The following KNTC1 variants were observed in gnomAD, a reference collection of about 807,000 sequenced individuals.
KNTC1 encodes kinetochore associated 1, also known as kinetochore-associated protein 1.
In KNTC1, 253 loss-of-function variants were observed where a neutral mutation model predicts 314.4. That is an observed-to-expected ratio of 0.80 (90% CI 0.73 to 0.89). KNTC1 has a LOEUF of 0.89. Among genes scored for constraint, KNTC1 ranks in the 40% least tolerant of loss-of-function variants. The pLI is 0.00. For synonymous variants in KNTC1, 901 were observed against 901.4 expected, an observed-to-expected ratio of 1.00 and a Z score of 0.01; for missense variants, 2,475 against 2,572.9, an observed-to-expected ratio of 0.96 and a Z score of 0.82.
In KNTC1 at chr12:122,547,396, T is replaced by G; in HGVS notation, c.817-19T>G. On this transcript the variant is annotated intron_variant, in intron 10 of 63. Transcript: ENST00000333479. ...GTCTCAAAAAAAAAGGACATGTAAA[T>G]GAAATGTCTCTATTGCAGAACGTGC... is the stretch of plus-strand genomic sequence containing the variant. The G allele has an allele frequency of 1.2e-5, 18 of 1,484,006 alleles. No individual in the cohort carries two copies. Among genetic ancestry groups the G allele is most frequent in the Non-Finnish European group, 1.5e-5 (16 of 1,065,056 alleles). The allele number at this position is 1,484,006 out of a possible 1,614,324, so 91.9% of individuals were successfully genotyped here.
At chr12:122,601,289 G>A (rs1425983695) in intron 44 of KNTC1, among the ~76,000 whole-genome samples, 2 of 151,128 alleles carry the variant, frequency 1.3e-5, no homozygotes, top group African/African-American at 4.9e-5. Context: ...GTTTCACCGT[G>A]TTTGCCAGGA....
intron 31 of KNTC1, 91 bp from the exon 32 acceptor site, chr12:122,579,814 G>T: frequency 1.2e-6 from 1 of 836,960 alleles, no homozygotes; most frequent in Admixed American, 2.3e-5. Context: ...TGTTTTTTCT[G>T]CTTCTGTGGT....
intron 21 of KNTC1, among the ~76,000 whole-genome samples, chr12:122,568,931 AT>A (rs1182351661): frequency 1.3e-5 from 2 of 152,150 alleles, no homozygotes; most frequent in Non-Finnish European, 2.9e-5. Context: ...GTAGAACCTT[AT>A]TTTATCCAAT....
Position 122,604,950 on chromosome 12 carries a change from C to G in KNTC1, c.5249C>G (p.Ala1750Gly), listed in dbSNP as rs1219751774. ...CAGTACCGGCGATCGGGCACAGAAG[C>G]TGTGCTCATAGCCCACAAGCTGAAC... ...HIQYRRSGTEAVLIAHKLNTE... is the reference protein window; with the variant it reads ...HIQYRRSGTEGVLIAHKLNTE... The change falls in exon 50 of 64, where the codon GCT (alanine) becomes GGT (glycine). Residue 1750 changes from alanine to glycine, a missense_variant. Coordinates refer to ENST00000333479, the MANE Select transcript of KNTC1 (RefSeq NM_014708.6). 1 of 1,611,746 alleles carries G rather than the reference C, an allele frequency of 6.2e-7. No individual in the cohort carries two copies. The highest frequency in any genetic ancestry group is 1.3e-5 in the African/African-American group (1 of 74,922).
intron 16 of KNTC1, 90 bp downstream of exon 16, chr12:122,551,786 A>C (rs1963216238): frequency 1.1e-6 from 1 of 917,076 alleles, no homozygotes; most frequent in Admixed American, 1.9e-5. Context: ...TATAATTGGA[A>C]TTTAGTGTGA....
intron 48 of KNTC1, among the ~76,000 whole-genome samples, chr12:122,604,146 C>G (rs1872306209): frequency 6.8e-6 from 1 of 146,882 alleles, no homozygotes. Flanking sequence ...GGAATGGAAT[C>G]TGATGAGAGG....
At chr12:122,616,640 G>A (rs561639634) in intron 57 of KNTC1, among the ~76,000 whole-genome samples, 1 of 152,288 alleles carries the variant, frequency 6.6e-6, no homozygotes, top group African/African-American at 2.4e-5. Context: ...ACACATAAAT[G>A]CAATCACATT....
At chr12:122,536,535 T>TC (rs1565929498) in intron 3 of KNTC1, among the ~76,000 whole-genome samples, 1 of 150,076 alleles carries the variant, frequency 6.7e-6, no homozygotes, top group Non-Finnish European at 1.5e-5. Context: ...TTTTTTTTTT[T>TC]CCCTGAGACA....
rs762538519 is a variant in KNTC1 at position 122,591,293 on chromosome 12, C to T, written c.4129-44C>T. ...TCGTCTAAAAGGTGTTATAAGAATA[C>T]ATTCTACTTACGATTGAACTTTAAT... On this transcript the variant is annotated intron_variant, in intron 41 of 63. Coordinates refer to ENST00000333479, the MANE Select transcript of KNTC1 (RefSeq NM_014708.6). 11 of 965,304 alleles carry T rather than the reference C, an allele frequency of 1.1e-5. No homozygotes were observed. In the East Asian group the frequency reaches 2.6e-4, roughly 23 times the overall value. The allele number at this position is 965,304 out of a possible 1,614,324, so 59.8% of individuals were successfully genotyped here. A position where few individuals can be genotyped will look rare whatever the true frequency, so the allele number is the denominator to read the frequency against.
intron 63 of KNTC1, among the ~76,000 whole-genome samples, chr12:122,625,589 C>T (rs75807758): frequency 9.7e-6 from 1 of 103,100 alleles, no homozygotes; most frequent in Non-Finnish European, 2.2e-5. Flanking sequence ...CAAAACAAAA[C>T]AAAAAAAAAA....
At chr12:122,539,137 T>C (rs953422407) in intron 4 of KNTC1, among the ~76,000 whole-genome samples, 3 of 152,174 alleles carry the variant, frequency 2.0e-5, no homozygotes, top group Non-Finnish European at 2.9e-5. Context: ...GGTTAGGTTC[T>C]TGTATGGTTG....
At position 122,568,317 on chromosome 12, in the gene KNTC1, T is replaced by C; in HGVS notation, c.1661T>C (p.Leu554Ser). 3.7e-6 allele frequency: 6 copies of C among 1,600,330 alleles called. No homozygotes were observed. Among genetic ancestry groups the C allele is most frequent in the Non-Finnish European group, 5.1e-6 (6 of 1,168,214 alleles). The change falls in exon 21 of 64, where the codon TTA becomes TCA. Residue 554 changes from leucine (L) to serine (S), a missense_variant. Physicochemically the swap from Leu to Ser is moderately radical, Grantham distance 145. Coordinates refer to ENST00000333479, the MANE Select transcript of KNTC1 (RefSeq NM_014708.6). ...GAAGATGATCTTAAAGATATTTTTT[T>C]ACAGCTAAAAGAAGGAAACCTTGTT... ...NNEDDLKDIF[L>S]QLKEGNLVCA...
chr12:122,590,782 T>G, intron 41 of KNTC1, 47 bp downstream of exon 41: 1 of 1,564,960 alleles, frequency 6.4e-7, no homozygotes. Context: ...TATTCAAGAT[T>G]GGGGGGGAGA....
intron 2 of KNTC1, among the ~76,000 whole-genome samples, chr12:122,532,840 G>A (rs1961475589): frequency 6.6e-6 from 1 of 152,212 alleles, no homozygotes; most frequent in African/African-American, 2.4e-5. Context: ...CAAATGAACA[G>A]TACAGACAGT....
At position 122,551,461 on chromosome 12, in the gene KNTC1, G is replaced by A; in HGVS notation, c.1134G>A (p.Leu378=). The change falls in exon 15 of 64, where the codon TTG becomes TTA. Residue 378 remains leucine (L), a synonymous_variant. Coordinates refer to ENST00000333479, the MANE Select transcript of KNTC1 (RefSeq NM_014708.6). ...LEGVCKNDPK[L]SEDSVSVLVL... is the part of the protein sequence containing the mutation. Reference sequence around the variant, plus strand: ...TTATAGTTAAAATTTTTTCTAGATTGTCTGAAGACTCAGTCTCTGTGTTAG... The same window carrying A: ...TTATAGTTAAAATTTTTTCTAGATTATCTGAAGACTCAGTCTCTGTGTTAG... The A allele has an allele frequency of 6.3e-7, 1 of 1,583,058 alleles. No individual in the cohort carries two copies. Among genetic ancestry groups the A allele is most frequent in the Non-Finnish European group, 8.6e-7 (1 of 1,162,672 alleles).
chr12:122,575,990 T>C (rs1354152926), intron 29 of KNTC1, 91 bp downstream of exon 29: 7 of 1,417,440 alleles, frequency 4.9e-6, no homozygotes, highest in Non-Finnish European at 6.6e-6. Flanking sequence ...AGGAGGCTAA[T>C]AGAGCTAGGT....
intron 38 of KNTC1, among the ~76,000 whole-genome samples, chr12:122,587,078 A>G (rs1038978404): frequency 1.3e-5 from 2 of 152,148 alleles, no homozygotes; most frequent in African/African-American, 2.4e-5. Context: ...CAGCCTCCCA[A>G]AGTGCTGGGA....
At chr12:122,621,639 A>AT (rs1255180153) in intron 60 of KNTC1, among the ~76,000 whole-genome samples, 2 of 152,210 alleles carry the variant, frequency 1.3e-5, no homozygotes, top group African/African-American at 4.8e-5. Context: ...CCAGCTGAAC[A>AT]TGCATATTTT....
At chr12:122,612,566 G>A (rs1262418773) in intron 53 of KNTC1, among the ~76,000 whole-genome samples, 2 of 151,222 alleles carry the variant, frequency 1.3e-5, no homozygotes, top group Non-Finnish European at 2.9e-5. Context: ...TTACAGGCAC[G>A]TGCTACCACA....
Sources: gnomAD v4.1 joint callset for allele counts (sites outside exome capture counted in the v4.1 genomes callset) on GRCh38, gnomAD v4.1.1 for gene constraint, MANE v1.5 for transcripts, NCBI Gene and HGNC (gene_info 2026-07-23, HGNC 2026-07-21) for gene names.